Variants in PLEKHA6 observed in about 807,000 individuals in gnomAD.
PLEKHA6 encodes the protein pleckstrin homology domain-containing family A member 6.
A neutral mutation model predicts 116.7 loss-of-function variants in PLEKHA6; 60 were observed. The ratio of observed to expected loss-of-function variants is 0.51; its 90% CI spans 0.42 to 0.64. The LOEUF is 0.64. Among genes scored for constraint, PLEKHA6 ranks in the 30% least tolerant of loss-of-function variants. The pLI is 0.00. For missense variants in PLEKHA6, 1,338 were observed against 1,422.7 expected (o/e 0.94, Z 0.96); for synonymous variants, 489 against 556.1 (o/e 0.88, Z 1.70).
intron 1 of PLEKHA6, among the ~76,000 whole-genome samples, chr1:204,317,860 T>C (rs1671918392): frequency 6.6e-6 from 1 of 152,240 alleles, no homozygotes; most frequent in Non-Finnish European, 1.5e-5. Context: ...ACTTAATCTT[T>C]CTATGCTTCC....
At chr1:204,371,053 CAAAA>C (rs34493461) in intron 2 of PLEKHA6, among the ~76,000 whole-genome samples, 5 of 68,464 alleles carry the variant, frequency 7.3e-5, no homozygotes, top group Admixed American at 2.9e-4. Context: ...GACTCTGCCT[CAAAA>C]AAAAAAAAAA....
At chr1:204,310,900 G>A (rs551920028) in intron 1 of PLEKHA6, among the ~76,000 whole-genome samples, 4 of 152,352 alleles carry the variant, frequency 2.6e-5, no homozygotes, top group South Asian at 4.1e-4. Context: ...AGGAAGTCAG[G>A]AAGAATGCCT....
chr1:204,359,142 A>AC (rs1390606798), intron 1 of PLEKHA6, among the ~76,000 whole-genome samples: 2 of 151,688 alleles, frequency 1.3e-5, no homozygotes, highest in African/African-American at 2.4e-5. Flanking sequence ...TAAATCTGAG[A>AC]CCCCCAGAGC....
intron 9 of PLEKHA6, among the ~76,000 whole-genome samples, chr1:204,254,672 G>A (rs1665040601): frequency 6.6e-6 from 1 of 152,162 alleles, no homozygotes; most frequent in Non-Finnish European, 1.5e-5. Context: ...CCATCTTACA[G>A]GGTTATAGTG....
chr1:204,326,231 C>T (rs2103248562), intron 1 of PLEKHA6, among the ~76,000 whole-genome samples: 1 of 152,266 alleles, frequency 6.6e-6, no homozygotes, highest in African/African-American at 2.4e-5. Context: ...TTGTGAAGAC[C>T]AGAGGGCACA....
chr1:204,288,517 T>A (rs1485903929), intron 1 of PLEKHA6, among the ~76,000 whole-genome samples: 1 of 152,152 alleles, frequency 6.6e-6, no homozygotes, highest in Non-Finnish European at 1.5e-5. Context: ...GGCGGGCCAA[T>A]AGAGGAACTG....
At chr1:204,349,540 CAAAA>C (rs11403796) in intron 1 of PLEKHA6, among the ~76,000 whole-genome samples, 2 of 115,218 alleles carry the variant, frequency 1.7e-5, no homozygotes. Flanking sequence ...GACTCCATCT[CAAAA>C]AAAAAAAAAA....
intron 1 of PLEKHA6, among the ~76,000 whole-genome samples, chr1:204,326,518 A>G (rs1265223616): frequency 6.6e-6 from 1 of 152,194 alleles, no homozygotes; most frequent in Non-Finnish European, 1.5e-5. Context: ...CCCAAACCCA[A>G]GTGAGCACCA....
intron 1 of PLEKHA6, among the ~76,000 whole-genome samples, chr1:204,294,427 T>C (rs997422406): frequency 6.6e-6 from 1 of 152,228 alleles, no homozygotes; most frequent in African/African-American, 2.4e-5. Flanking sequence ...TGTCCTGCTG[T>C]TGCGGAGGAA....
Position 204,228,630 on chromosome 1 carries a change from C to A in PLEKHA6, c.2885+98G>T. On this transcript the variant is annotated intron_variant, in intron 20 of 22. Transcript: ENST00000272203. The surrounding 1 kb of genome is among the most constrained non-coding windows in gnomAD (Gnocchi z 4.0). ...GGAGTCACCACCTCGATGTGCTCTC[C>A]CCTGGGGAGGCTCTGTGCCCCCAAC... 1 of 1,125,392 alleles carries A rather than the reference C, an allele frequency of 8.9e-7. No homozygotes were observed. 69.7% of individuals were successfully genotyped at this position (1,125,392 alleles called of 1,614,324 possible). A position where few individuals can be genotyped will look rare whatever the true frequency, so the allele number is the denominator to read the frequency against.
At chr1:204,377,009 G>GCT (rs1393823040) in intron 1 of PLEKHA6, among the ~76,000 whole-genome samples, 2 of 152,104 alleles carry the variant, frequency 1.3e-5, no homozygotes, top group Admixed American at 6.5e-5. Flanking sequence ...GCAAAGGCGC[G>GCT]CTCTCTCTCA....
chr1:204,309,675 C>G (rs1406749982), intron 1 of PLEKHA6: 2 of 878,266 alleles, frequency 2.3e-6, no homozygotes, highest in Non-Finnish European at 2.7e-6. Flanking sequence ...TAATGCATGA[C>G]CATATTGAGA....
intron 1 of PLEKHA6, among the ~76,000 whole-genome samples, chr1:204,373,530 G>T (rs147514703): frequency 1.3e-5 from 2 of 152,084 alleles, no homozygotes; most frequent in South Asian, 2.1e-4. Context: ...TCTGACTTTC[G>T]TGCTTTTTTC....
intron 1 of PLEKHA6, chr1:204,311,511 C>A: frequency 5.0e-6 from 3 of 604,498 alleles, no homozygotes; most frequent in Non-Finnish European, 6.2e-6. Flanking sequence ...AAAAGTTATT[C>A]TGCTTCTACT....
intron 1 of PLEKHA6, among the ~76,000 whole-genome samples, chr1:204,294,490 G>A (rs554341872): frequency 1.3e-5 from 2 of 152,354 alleles, no homozygotes; most frequent in East Asian, 3.9e-4. Flanking sequence ...GGAAGTGAGA[G>A]AACTGGGATT....
At chr1:204,371,909 T>C (rs563672501) in intron 1 of PLEKHA6, among the ~76,000 whole-genome samples, 1 of 152,280 alleles carries the variant, frequency 6.6e-6, no homozygotes, top group East Asian at 1.9e-4. Flanking sequence ...TGTAACTATG[T>C]GTAGAAAGTG....
rs532984991 is a variant in PLEKHA6, at chr1:204,359,463, C to T, written c.-95+231G>A. 1.1e-3 allele frequency: 274 copies of T among 242,296 alleles called. 1 individual carries two copies. Among genetic ancestry groups the T allele is most frequent in the African/African-American group, 6.0e-3 (260 of 43,468 alleles). 15.0% of individuals were successfully genotyped at this position (242,296 alleles called of 1,614,324 possible). On this transcript the variant is annotated intron_variant, in intron 1 of 22. Transcript: ENST00000272203. ...ATGTAATCAATTTAAACAGCATCAG[C>T]CCTGACAGGGGACTCTGGAGGTGGG...
chr1:204,286,132 C>T (rs1572068727), intron 1 of PLEKHA6, among the ~76,000 whole-genome samples: 2 of 152,298 alleles, frequency 1.3e-5, no homozygotes, highest in South Asian at 2.1e-4. Flanking sequence ...TGTTGCTAAG[C>T]AGACATCACA....
rs757811084 is a variant in PLEKHA6 at position 204,261,181 on chromosome 1, G to A, written c.524+125C>T. The A allele has an allele frequency of 4.8e-5, 56 of 1,158,384 alleles. No homozygotes were observed. Among genetic ancestry groups the A allele is most frequent in the Admixed American group, 7.2e-5 (4 of 55,490 alleles). The allele number at this position is 1,158,384 out of a possible 1,614,324, so 71.8% of individuals were successfully genotyped here. Reference sequence around the variant, plus strand: ...GCCTCCCGCCTGGATGCAAGGAGACGGCTCACACATTCTCCAGGGCTTCAA... The same window carrying A: ...GCCTCCCGCCTGGATGCAAGGAGACAGCTCACACATTCTCCAGGGCTTCAA... On this transcript the variant is annotated intron_variant, in intron 7 of 22. Coordinates refer to ENST00000272203, the MANE Select transcript of PLEKHA6 (RefSeq NM_014935.5). This position sits in a 1 kb window ranked among gnomAD's most constrained non-coding sequence, Gnocchi z 4.0.
Sources: gnomAD v4.1 joint callset for allele counts (sites outside exome capture counted in the v4.1 genomes callset) on GRCh38, gnomAD v4.1.1 for gene constraint, Gnocchi (gnomAD v3.1) non-coding constraint, MANE v1.5 for transcripts, NCBI Gene and HGNC (gene_info 2026-07-23, HGNC 2026-07-21) for gene names.